UBAP2L: variants seen among roughly 807,000 people sequenced by gnomAD.
The protein encoded by UBAP2L is ubiquitin associated protein 2 like.
UBAP2L carries 12 observed loss-of-function variants against 130.6 expected under a neutral mutation model. That is an observed-to-expected ratio of 0.09 (90% CI 0.06 to 0.15). The LOEUF (loss-of-function observed/expected upper bound fraction) is 0.15, where lower values mean the gene tolerates loss of function less well. Ranked by LOEUF, UBAP2L falls within the 10% of genes least tolerant of loss-of-function variation. The pLI, the probability that UBAP2L is intolerant of heterozygous loss-of-function variation, is 1.00. For missense variants in UBAP2L, 965 were observed against 1,332.5 expected, an observed-to-expected ratio of 0.72 and a Z score of 4.29; for synonymous variants, 503 against 524.7, an observed-to-expected ratio of 0.96 and a Z score of 0.57.
chr1:154,223,249 A>G (rs1032167777), intron 1 of UBAP2L, among the ~76,000 whole-genome samples: 2 of 152,240 alleles, frequency 1.3e-5, no homozygotes, highest in Admixed American at 6.5e-5. Context: ...ATATGTTTAC[A>G]TCTGACTGGT....
intron 25 of UBAP2L, 121 bp from the exon 26 acceptor site, chr1:154,268,636 G>A: frequency 1.1e-6 from 1 of 917,054 alleles, no homozygotes; most frequent in South Asian, 1.5e-5. Context: ...GACTTCAAGT[G>A]TACTGTGCCT....
At chr1:154,241,685 T>C in intron 9 of UBAP2L, 120 bp downstream of exon 9, 1 of 1,504,258 alleles carries the variant, frequency 6.6e-7, no homozygotes, top group South Asian at 1.3e-5. Flanking sequence ...CCCAAAACTT[T>C]TACATCCAAA....
At chr1:154,241,475 AATAGTGAAGTT>A in intron 8 of UBAP2L, 27 bp from the exon 9 acceptor site, 1 of 1,599,598 alleles carries the variant, frequency 6.3e-7, no homozygotes, top group Non-Finnish European at 8.6e-7. Flanking sequence ...ACTGGCATTT[AATAGTGAAGTT>A]ACTTCACTAT....
Position 154,234,254 on chromosome 1 carries a change from T to C in UBAP2L, c.280-337T>C, listed in dbSNP as rs576653539. On this transcript the variant is annotated intron_variant, in intron 4 of 26. Transcript: ENST00000428931. The stretch of plus-strand genomic sequence containing the variant: ...GTCGCGTGCCTGTAATCCCAGCTAC[T>C]TGAGAGACTGAGGCACGAGAATCGC... 2.0e-5 allele frequency among the ~76,000 whole-genome samples: 3 copies of C among 152,102 alleles called. No individual in the cohort carries two copies. In the South Asian group the frequency reaches 6.2e-4, roughly 32 times the overall value.
At position 154,257,139 on chromosome 1, in the gene UBAP2L, C is replaced by T. The variant is rs1679944365; in HGVS notation, c.2234C>T (p.Ala745Val). 1 of 1,614,074 alleles carries T rather than the reference C, an allele frequency of 6.2e-7. No individual in the cohort carries two copies. Among genetic ancestry groups the T allele is most frequent in the Non-Finnish European group, 8.5e-7 (1 of 1,180,040 alleles). The change falls in exon 19 of 27, where the codon GCA becomes GTA. Residue 745 changes from alanine (A) to valine (V), a missense_variant. Physicochemically the swap from Ala to Val is moderately conservative, Grantham distance 64 (BLOSUM62 0). Transcript: ENST00000428931. ...TFSTTSSTVSAPPPVVSVSSS... is the reference protein window; with the variant it reads ...TFSTTSSTVSVPPPVVSVSSS... Reference sequence around the variant, plus strand: ...TCCACCACATCCAGCACAGTCTCTGCACCTCCCCCAGTGGTCAGTGTCTCC... The same window carrying T: ...TCCACCACATCCAGCACAGTCTCTGTACCTCCCCCAGTGGTCAGTGTCTCC...
intron 3 of UBAP2L, 141 bp downstream of exon 3, chr1:154,227,500 CAATA>C: frequency 3.0e-6 from 2 of 663,940 alleles, no homozygotes; most frequent in African/African-American, 1.8e-5. Context: ...TAGGTCAGGC[CAATA>C]AATAAGTGCT....
rs765464261 is a variant in UBAP2L, at chr1:154,249,301, C to T, written c.1077C>T (p.Gly359=). The T allele has an allele frequency of 1.9e-6, 3 of 1,614,146 alleles. No homozygotes were observed. In the East Asian group the frequency reaches 6.7e-5, roughly 36 times the overall value. The part of the protein sequence containing the change: ...VGEAKGGSTT[G]SQFLEQFKTA... ...AAGCTAAAGGCGGCAGTACTACAGG[C>T]TCCCAGTTCTTGGAGCAATTCAAGA... The change falls in exon 12 of 27, where the codon GGC becomes GGT. Residue 359 remains glycine, a synonymous_variant. Transcript: ENST00000428931.
intron 11 of UBAP2L, 37 bp downstream of exon 11, chr1:154,246,412 C>G (rs754282332): frequency 1.3e-6 from 2 of 1,586,032 alleles, no homozygotes; most frequent in Admixed American, 1.7e-5. Context: ...ATCAAACCTT[C>G]CTGCTAATCC....
intron 12 of UBAP2L, 47 bp downstream of exon 12, chr1:154,249,484 A>G: frequency 2.5e-6 from 4 of 1,610,472 alleles, no homozygotes; most frequent in Non-Finnish European, 3.4e-6. Context: ...TTGGAGCATT[A>G]CTGTCAAGAG....
At position 154,237,134 on chromosome 1, in the gene UBAP2L, C is replaced by T; in HGVS notation, c.701C>T (p.Thr234Met). 1.2e-6 allele frequency: 2 copies of T among 1,611,542 alleles called. No individual in the cohort carries two copies. The highest frequency in any genetic ancestry group is 1.7e-6 in the Non-Finnish European group (2 of 1,177,828). The part of the protein sequence containing the change: ...NTGHFEPDDG[T>M]SAWRTATEEW... ...GGCCACTTTGAACCAGATGATGGGA[C>T]GAGTGAGTGACCATTTATCATTCAT... The change falls in exon 8 of 27, where the codon ACG becomes ATG. Residue 234 changes from threonine (T) to methionine (M), a missense_variant and splice_region_variant. Physicochemically the swap from Thr to Met is moderately conservative, Grantham distance 81. This residue lies in a region of UBAP2L where 19 missense variants were observed against 52.1 expected (regional missense o/e 0.36). Transcript: ENST00000428931.
At chr1:154,240,675 A>G (rs889785079) in intron 8 of UBAP2L, among the ~76,000 whole-genome samples, 5 of 152,084 alleles carry the variant, frequency 3.3e-5, no homozygotes, top group South Asian at 2.1e-4. Flanking sequence ...ATAGTTTTCA[A>G]TGCCCTCAGT....
At chr1:154,259,863 T>A in intron 21 of UBAP2L, 85 bp from the exon 22 acceptor site, 1 of 1,385,778 alleles carries the variant, frequency 7.2e-7, no homozygotes, top group Non-Finnish European at 1.0e-6. Context: ...TCTCACATTC[T>A]TCTGTTTTTT....
Position 154,224,849 on chromosome 1 carries a change from C to T in UBAP2L, c.-40-235C>T, listed in dbSNP as rs891347368. On this transcript the variant is annotated intron_variant, in intron 1 of 26. Coordinates refer to ENST00000428931, the MANE Select transcript of UBAP2L (RefSeq NM_014847.4). ...ACTAGTAACCAAACTGCTGTAACTT[C>T]TTAAAAAAATCCATCACTTACACAT... 1.6e-4 allele frequency among the ~76,000 whole-genome samples: 24 copies of T among 152,120 alleles called. 1 individual carries two copies. Among genetic ancestry groups the T allele is most frequent in the Non-Finnish European group, 8.8e-5 (6 of 68,024 alleles).
chr1:154,260,420 C>G (rs1681163165), intron 22 of UBAP2L, among the ~76,000 whole-genome samples: 1 of 152,248 alleles, frequency 6.6e-6, no homozygotes, highest in African/African-American at 2.4e-5. Flanking sequence ...AGGTGGTCTT[C>G]TCTGCTCATC....
intron 24 of UBAP2L, chr1:154,263,142 C>T (rs2149047655): frequency 1.9e-6 from 3 of 1,552,004 alleles, no homozygotes; most frequent in Non-Finnish European, 2.6e-6. Context: ...TTCTGGACGG[C>T]TGAGAGCTAA....
chr1:154,225,003 T>G (rs1473747950), intron 1 of UBAP2L, 81 bp from the exon 2 acceptor site: 3 of 775,612 alleles, frequency 3.9e-6, no homozygotes, highest in Non-Finnish European at 4.2e-6. Flanking sequence ...GTGAAAGTGT[T>G]TGGTGGTGAA....
At chr1:154,230,728 G>C (rs1209056072) in intron 4 of UBAP2L, among the ~76,000 whole-genome samples, 1 of 152,192 alleles carries the variant, frequency 6.6e-6, no homozygotes, top group Non-Finnish European at 1.5e-5. Flanking sequence ...ATAGGTTTAT[G>C]TTACGAATAA....
In UBAP2L at chr1:154,270,473, G is replaced by A. The variant is rs1256585050; in HGVS notation, c.*178G>A. The stretch of plus-strand genomic sequence containing the variant: ...ATTCCTATACCATCCCCACCCTGTT[G>A]TATGTATTATAGGATTTGTATTTTC... On this transcript the variant is annotated 3_prime_UTR_variant, in exon 27 of 27. Transcript: ENST00000428931. 6.6e-6 allele frequency: 10 copies of A among 1,511,880 alleles called. No individual in the cohort carries two copies. Among genetic ancestry groups the A allele is most frequent in the East Asian group, 2.5e-5 (1 of 40,332 alleles). The allele number at this position is 1,511,880 out of a possible 1,614,324, so 93.7% of individuals were successfully genotyped here. A position where few individuals can be genotyped will look rare whatever the true frequency, so the allele number is the denominator to read the frequency against.
chr1:154,234,237 C>A (rs111743097), intron 4 of UBAP2L, among the ~76,000 whole-genome samples: 4 of 152,130 alleles, frequency 2.6e-5, no homozygotes, highest in African/African-American at 9.6e-5. Flanking sequence ...GTGTCGCGTG[C>A]CTGTAATCCC....
Sources: allele counts gnomAD v4.1 joint callset (sites outside exome capture counted in the v4.1 genomes callset), GRCh38; gene constraint gnomAD v4.1.1; regional missense constraint gnomAD v4.1.1; transcripts MANE v1.5; gene names NCBI Gene and HGNC (gene_info 2026-07-23, HGNC 2026-07-21).